Variants in SSH2 observed in about 807,000 individuals in gnomAD.
SSH2 encodes the protein slingshot protein phosphatase 2.
SSH2 carries 37 observed loss-of-function variants against 135.2 expected under a neutral mutation model. The ratio of observed to expected loss-of-function variants is 0.27; its 90% CI spans 0.21 to 0.36. SSH2 has a LOEUF of 0.36. Ranked by LOEUF, SSH2 falls within the 10% of genes least tolerant of loss-of-function variation. The probability of loss-of-function intolerance (pLI) is 1.00; values close to 1 mark genes in which losing one functional copy is unlikely to be tolerated. For synonymous variants in SSH2, 628 were observed against 646.2 expected (o/e 0.97, Z 0.43); for missense variants, 1,408 against 1,765.3 (o/e 0.80, Z 3.63).
At chr17:29,697,230 A>C (rs953516731) in intron 4 of SSH2, among the ~76,000 whole-genome samples, 3 of 152,184 alleles carry the variant, frequency 2.0e-5, no homozygotes, top group Non-Finnish European at 4.4e-5. Context: ...TGAACAAAAA[A>C]ACCTCATTCT....
chr17:29,924,179 T>C (rs1020444655), intron 1 of SSH2, among the ~76,000 whole-genome samples: 14 of 152,214 alleles, frequency 9.2e-5, no homozygotes, highest in African/African-American at 3.1e-4. Flanking sequence ...ATCACTTTTT[T>C]TTTCTCTGTC....
chr17:29,744,957 G>C (rs1215012944), intron 3 of SSH2, among the ~76,000 whole-genome samples: 12 of 151,370 alleles, frequency 7.9e-5, no homozygotes, highest in Non-Finnish European at 2.9e-5. Flanking sequence ...TTCTGTTCTT[G>C]TGTTGCCTGT....
intron 3 of SSH2, among the ~76,000 whole-genome samples, chr17:29,783,256 T>A (rs1162121426): frequency 1.4e-5 from 2 of 147,336 alleles, no homozygotes; most frequent in African/African-American, 2.5e-5. Flanking sequence ...GAACTTTATA[T>A]AAATATAATA....
At chr17:29,698,249 G>C (rs2038840242) in intron 4 of SSH2, among the ~76,000 whole-genome samples, 1 of 152,138 alleles carries the variant, frequency 6.6e-6, no homozygotes, top group Non-Finnish European at 1.5e-5. Context: ...CGATAAAAAT[G>C]TTCTAAAATT....
intron 3 of SSH2, among the ~76,000 whole-genome samples, chr17:29,752,578 T>C (rs375616030): frequency 6.6e-6 from 1 of 151,996 alleles, no homozygotes; most frequent in Non-Finnish European, 1.5e-5. Flanking sequence ...AGAAAAAATA[T>C]AAAATAACAC....
chr17:29,709,015 T>TATATATATATATATAGAG (rs780981175), intron 3 of SSH2, among the ~76,000 whole-genome samples: 15 of 81,594 alleles, frequency 1.8e-4, no homozygotes, highest in Admixed American at 4.8e-4. Flanking sequence ...TATATATATA[T>TATATATATATATATAGAG]AGAGAGAGAG....
At chr17:29,848,635 T>G (rs1013019579) in intron 2 of SSH2, among the ~76,000 whole-genome samples, 1 of 152,200 alleles carries the variant, frequency 6.6e-6, no homozygotes, top group African/African-American at 2.4e-5. Flanking sequence ...AACTTTTGAG[T>G]GGTCATTGCC....
chr17:29,823,453 C>CT (rs1234470945), intron 2 of SSH2, among the ~76,000 whole-genome samples: 2 of 152,178 alleles, frequency 1.3e-5, no homozygotes, highest in Non-Finnish European at 2.9e-5. Flanking sequence ...TCCTCCAGCT[C>CT]TAACACCCCA....
At chr17:29,815,833 G>A (rs1454079527) in intron 2 of SSH2, among the ~76,000 whole-genome samples, 1 of 151,888 alleles carries the variant, frequency 6.6e-6, no homozygotes, top group Non-Finnish European at 1.5e-5. Context: ...CTAGAGCCCT[G>A]ATTGTTTATT....
At chr17:29,785,491 ATTTTTTTTTTT>A (rs34346245) in intron 3 of SSH2, among the ~76,000 whole-genome samples, 1 of 78,496 alleles carries the variant, frequency 1.3e-5, no homozygotes, top group Non-Finnish European at 2.3e-5. Flanking sequence ...TTGGCGTTTC[ATTTTTTTTTTT>A]TTTTTTTTTT....
intron 13 of SSH2, among the ~76,000 whole-genome samples, chr17:29,648,663 T>G (rs969044358): frequency 8.5e-5 from 13 of 152,216 alleles, no homozygotes; most frequent in Admixed American, 8.5e-4. Context: ...ACAGCTTTTA[T>G]CCTAAAGGAT....
intron 1 of SSH2, among the ~76,000 whole-genome samples, chr17:29,862,036 T>C (rs2065774731): frequency 6.6e-6 from 1 of 152,220 alleles, no homozygotes. Flanking sequence ...ATGTTTGAAA[T>C]AGCTTTTTCT....
intron 1 of SSH2, among the ~76,000 whole-genome samples, chr17:29,892,380 G>A (rs1278013635): frequency 2.6e-5 from 4 of 151,750 alleles, no homozygotes; most frequent in Non-Finnish European, 5.9e-5. Flanking sequence ...TAGACCTTCA[G>A]GTTATTTACT....
At chr17:29,635,502 T>C (rs1394638482) in intron 15 of SSH2, among the ~76,000 whole-genome samples, 1 of 152,044 alleles carries the variant, frequency 6.6e-6, no homozygotes, top group Non-Finnish European at 1.5e-5. Flanking sequence ...CCTCCTGGGT[T>C]CACACCATTC....
At position 29,660,119 on chromosome 17, in the gene SSH2, C is replaced by G. The variant is rs1344817682; in HGVS notation, c.1033-4512G>C. Among the ~76,000 whole-genome samples, 7 of 151,948 alleles carry G rather than the reference C, an allele frequency of 4.6e-5. No homozygotes were observed. The East Asian group carries it at 1.4e-3, about 30-fold the overall frequency. ...CTGGGATTACAGGCGTGAGCCACCA[C>G]GCCTGGTCAGGGCAGACATTTTATA... On this transcript the variant is annotated intron_variant, in intron 11 of 15. Coordinates refer to ENST00000540801, the MANE Select transcript of SSH2 (RefSeq NM_001282129.2).
At chr17:29,900,583 C>T (rs1351637016) in intron 1 of SSH2, among the ~76,000 whole-genome samples, 2 of 152,162 alleles carry the variant, frequency 1.3e-5, no homozygotes, top group Non-Finnish European at 2.9e-5. Context: ...AATGAGATAC[C>T]ATCTCACACC....
At chr17:29,850,977 T>G (rs1033206354) in intron 1 of SSH2, among the ~76,000 whole-genome samples, 16 of 152,014 alleles carry the variant, frequency 1.1e-4, no homozygotes, top group Admixed American at 6.5e-5. Flanking sequence ...AGAGCGAGAC[T>G]CCATCTCAAA....
At chr17:29,789,954 G>A (rs2151300023) in intron 3 of SSH2, among the ~76,000 whole-genome samples, 1 of 152,254 alleles carries the variant, frequency 6.6e-6, no homozygotes. Flanking sequence ...GGTTTCACAG[G>A]TTCACAGCTG....
At chr17:29,815,464 T>C (rs555875765) in intron 2 of SSH2, among the ~76,000 whole-genome samples, 1 of 152,186 alleles carries the variant, frequency 6.6e-6, no homozygotes, top group Non-Finnish European at 1.5e-5. Context: ...TTTTGCCATG[T>C]TGGCCAGGCT....
Sources: allele counts gnomAD v4.1 joint callset (sites outside exome capture counted in the v4.1 genomes callset), GRCh38; gene constraint gnomAD v4.1.1; transcripts MANE v1.5; gene names NCBI Gene and HGNC (gene_info 2026-07-23, HGNC 2026-07-21).